KCNN3: variants seen among roughly 807,000 people sequenced by gnomAD.
KCNN3 encodes potassium calcium-activated channel subfamily N member 3.
Under a neutral mutation model 62.9 loss-of-function variants are expected in KCNN3, and 16 were observed. The observed-to-expected ratio is 0.25, with a 90% CI of 0.17 to 0.39. The LOEUF is 0.39. KCNN3 is among the 10% of genes least tolerant of loss of function. The pLI, the probability that KCNN3 is intolerant of heterozygous loss-of-function variation, is 1.00. For synonymous variants in KCNN3, 370 were observed against 389.2 expected (o/e 0.95, Z 0.58); for missense variants, 599 against 949.4 (o/e 0.63, Z 4.85).
intron 1 of KCNN3, among the ~76,000 whole-genome samples, chr1:154,828,855 A>G (rs914729545): frequency 6.6e-6 from 1 of 152,234 alleles, no homozygotes; most frequent in Non-Finnish European, 1.5e-5. Flanking sequence ...TTATGGCTGC[A>G]ATAATTTATA....
At chr1:154,733,259 G>A in intron 3 of KCNN3, 115 bp from the exon 4 acceptor site, 1 of 1,090,732 alleles carries the variant, frequency 9.2e-7, no homozygotes, top group Non-Finnish European at 1.4e-6. Flanking sequence ...AGAGGCAGCA[G>A]TGACGGTGGC....
intron 1 of KCNN3, among the ~76,000 whole-genome samples, chr1:154,836,798 T>G (rs989191228): frequency 2.0e-5 from 3 of 152,218 alleles, no homozygotes; most frequent in Non-Finnish European, 4.4e-5. Flanking sequence ...TCCCTCTGAG[T>G]GGCCCCTCCA....
chr1:154,718,040 C>T (rs148519237), intron 5 of KCNN3, among the ~76,000 whole-genome samples: 1 of 152,258 alleles, frequency 6.6e-6, no homozygotes, highest in Non-Finnish European at 1.5e-5. Flanking sequence ...CACCTGACCT[C>T]TCCTGGTGGG....
chr1:154,794,102 G>A (rs910331720), intron 2 of KCNN3, among the ~76,000 whole-genome samples: 3 of 152,292 alleles, frequency 2.0e-5, no homozygotes, highest in Non-Finnish European at 2.9e-5. Flanking sequence ...CAATCTTTCC[G>A]AATGCTGTTC....
At chr1:154,726,082 G>A in intron 4 of KCNN3, 56 bp from the exon 5 acceptor site, 3 of 1,346,844 alleles carry the variant, frequency 2.2e-6, no homozygotes, top group Non-Finnish European at 3.2e-6. Flanking sequence ...TAAGAGGCAA[G>A]ATGAGAGACT....
chr1:154,780,691 C>G (rs1649005034), intron 2 of KCNN3, among the ~76,000 whole-genome samples: 1 of 151,682 alleles, frequency 6.6e-6, no homozygotes, highest in South Asian at 2.1e-4. Context: ...GAAGCAACAT[C>G]AAAAATCCTG....
chr1:154,845,329 C>T (rs989222819), intron 1 of KCNN3, among the ~76,000 whole-genome samples: 18 of 152,188 alleles, frequency 1.2e-4, no homozygotes, highest in African/African-American at 4.3e-4. Context: ...ACAGTGCCAC[C>T]AGTTTCTGGG....
intron 5 of KCNN3, among the ~76,000 whole-genome samples, chr1:154,717,395 T>C (rs1571206880): frequency 2.0e-5 from 3 of 152,174 alleles, no homozygotes; most frequent in East Asian, 3.9e-4. Context: ...ACTTCAGAGA[T>C]GGGATGTGAG....
At chr1:154,848,795 A>G (rs1208462209) in intron 1 of KCNN3, among the ~76,000 whole-genome samples, 1 of 152,070 alleles carries the variant, frequency 6.6e-6, no homozygotes, top group Non-Finnish European at 1.5e-5. Context: ...TCCAAACATT[A>G]ATATCCGCGG....
At chr1:154,856,966 C>A (rs1652557393) in intron 1 of KCNN3, among the ~76,000 whole-genome samples, 1 of 152,142 alleles carries the variant, frequency 6.6e-6, no homozygotes, top group African/African-American at 2.4e-5. Flanking sequence ...GCGTGGGACA[C>A]CAAGTCTCAG....
chr1:154,798,278 C>G (rs1160509279), intron 2 of KCNN3, among the ~76,000 whole-genome samples: 1 of 152,234 alleles, frequency 6.6e-6, no homozygotes, highest in Non-Finnish European at 1.5e-5. Context: ...GGGCATTGAC[C>G]TGTACCAGGC....
intron 7 of KCNN3, among the ~76,000 whole-genome samples, 186 bp from the exon 8 acceptor site, chr1:154,708,458 T>G (rs1172983489): frequency 6.6e-6 from 1 of 152,206 alleles, no homozygotes; most frequent in African/African-American, 2.4e-5. Context: ...CATTTTTGTT[T>G]TCTTATTACA....
At chr1:154,735,161 C>T (rs1700684071) in intron 3 of KCNN3, among the ~76,000 whole-genome samples, 1 of 152,196 alleles carries the variant, frequency 6.6e-6, no homozygotes, top group Admixed American at 6.5e-5. Context: ...AGCAGGGTAT[C>T]TGAAGAGACA....
At position 154,772,461 on chromosome 1, in the gene KCNN3, C is replaced by T. The variant is rs11589471; in HGVS notation, c.1030-68G>A. ...AGCCCACAGCAGGGTCCAGGCAGGA[C>T]AGGTGGGGCAGGCTGGGGCAGGCTG... On this transcript the variant is annotated intron_variant, in intron 2 of 7. Transcript: ENST00000271915. The surrounding 1 kb of genome is among the most constrained non-coding windows in gnomAD (Gnocchi z 5.6). 548,366 of 1,532,854 alleles carry T rather than the reference C, an allele frequency of 0.36. 99,625 individuals are homozygous for T. The highest frequency in any genetic ancestry group is 0.45 in the Middle Eastern group (2,336 of 5,196). 95.0% of individuals were successfully genotyped at this position (1,532,854 alleles called of 1,614,324 possible). A position where few individuals can be genotyped will look rare whatever the true frequency, so the allele number is the denominator to read the frequency against.
chr1:154,752,227 A>G (rs1647412301), intron 3 of KCNN3, among the ~76,000 whole-genome samples: 1 of 152,100 alleles, frequency 6.6e-6, no homozygotes, highest in African/African-American at 2.4e-5. Flanking sequence ...TTTTTATTAG[A>G]TATCCCTCAA....
chr1:154,843,849 C>T (rs1651933213), intron 1 of KCNN3, among the ~76,000 whole-genome samples: 2 of 152,204 alleles, frequency 1.3e-5, no homozygotes, highest in Admixed American at 1.3e-4. Context: ...AAATAATGAC[C>T]CAGGGGACTT....
In KCNN3 at chr1:154,746,345, C is replaced by T. The variant is rs76442516; in HGVS notation, c.1449-13201G>A. On this transcript the variant is annotated intron_variant, in intron 3 of 7. Transcript: ENST00000271915. ...GGTATGGGTTGGGATGACAGTGCTG[C>T]GGGTGGAGTGGCAGGCTCAGGAGAA... Among the ~76,000 whole-genome samples, 41 of 152,200 alleles carry T rather than the reference C, an allele frequency of 2.7e-4. No individual in the cohort carries two copies. The East Asian group carries it at 3.9e-3, about 14-fold the overall frequency.
chr1:154,731,396 G>A (rs1700588731), intron 4 of KCNN3, among the ~76,000 whole-genome samples: 1 of 152,240 alleles, frequency 6.6e-6, no homozygotes, highest in Non-Finnish European at 1.5e-5. Flanking sequence ...CTGCTAATAG[G>A]GACCTGCCCT....
chr1:154,869,190 T>C lies in KCNN3; in HGVS notation c.775A>G (p.Asn259Asp). 6.2e-7 allele frequency: 1 copy of C among 1,614,178 alleles called. No individual in the cohort carries two copies. Among genetic ancestry groups the C allele is most frequent in the Non-Finnish European group, 8.5e-7 (1 of 1,180,032 alleles). Reference protein sequence around the residue: ...TASSTTFPKANKRKNQNIGYK... With the variant: ...TASSTTFPKADKRKNQNIGYK... ...CCAATGTTTTGGTTTTTCCGCTTGT[T>C]GGCTTTGGGGAAGGTGGTGCTGCTG... The change falls in exon 1 of 8, where the codon AAC becomes GAC. Residue 259 changes from asparagine (N) to aspartate (D), a missense_variant. This residue lies in a region of KCNN3 where 80 missense variants were observed against 85.4 expected (regional missense o/e 0.94). Coordinates refer to ENST00000271915, the MANE Select transcript of KCNN3 (RefSeq NM_002249.6). This position sits in a 1 kb window ranked among gnomAD's most constrained non-coding sequence, Gnocchi z 6.1.
Sources: allele counts gnomAD v4.1 joint callset (sites outside exome capture counted in the v4.1 genomes callset), GRCh38; gene constraint gnomAD v4.1.1; regional missense constraint gnomAD v4.1.1; non-coding constraint Gnocchi (gnomAD v3.1); transcripts MANE v1.5; gene names NCBI Gene and HGNC (gene_info 2026-07-23, HGNC 2026-07-21).